Variants in PARN observed in about 807,000 individuals in gnomAD.
PARN encodes poly(A)-specific ribonuclease.
Under a neutral mutation model 102.8 loss-of-function variants are expected in PARN, and 71 were observed. That is an observed-to-expected ratio of 0.69 (90% CI 0.57 to 0.84). The LOEUF (loss-of-function observed/expected upper bound fraction) is 0.84, where lower values mean the gene tolerates loss of function less well. PARN is among the 40% of genes least tolerant of loss of function. The pLI is 0.00. For synonymous variants in PARN, 261 were observed against 252.9 expected (o/e 1.03, Z -0.30); for missense variants, 782 against 760.9 (o/e 1.03, Z -0.33).
At position 14,436,069 on chromosome 16, in the gene PARN, C is replaced by A. The variant is rs559142230; in HGVS notation, c.*648G>T. 2.0e-5 allele frequency: 3 copies of A among 152,432 alleles called. No homozygotes were observed. Among genetic ancestry groups the A allele is most frequent in the African/African-American group, 7.2e-5 (3 of 41,536 alleles). 9.4% of individuals were successfully genotyped at this position (152,432 alleles called of 1,614,324 possible). ...GTTAACCTTTTTACTCGTACATCCCCCATGAGAAACTCACGTCTTAGGAGA... is the reference window on the plus strand; with the variant it reads ...GTTAACCTTTTTACTCGTACATCCCACATGAGAAACTCACGTCTTAGGAGA... On this transcript the variant is annotated 3_prime_UTR_variant, in exon 24 of 24. Coordinates refer to ENST00000437198, the MANE Select transcript of PARN (RefSeq NM_002582.4).
chr16:14,552,480 CTTTTT>C (rs1293895523), intron 20 of PARN, among the ~76,000 whole-genome samples: 5 of 151,942 alleles, frequency 3.3e-5, no homozygotes, highest in South Asian at 2.1e-4. Flanking sequence ...ACAACTATTT[CTTTTT>C]TTTATTTTTG....
At chr16:14,521,244 T>C (rs904479067) in intron 21 of PARN, among the ~76,000 whole-genome samples, 1 of 152,206 alleles carries the variant, frequency 6.6e-6, no homozygotes, top group Non-Finnish European at 1.5e-5. Flanking sequence ...AATTTCCCCT[T>C]CTTTTCCCTT....
chr16:14,627,746 G>C (rs550449867), intron 3 of PARN, among the ~76,000 whole-genome samples: 10 of 152,176 alleles, frequency 6.6e-5, no homozygotes, highest in African/African-American at 2.4e-4. Context: ...CCAGCACTTT[G>C]GGAGGCTAAA....
Position 14,555,411 on chromosome 16 carries a change from T to C in PARN, c.1318+243A>G, listed in dbSNP as rs1351492156. Among the ~76,000 whole-genome samples, 5 of 152,244 alleles carry C rather than the reference T, an allele frequency of 3.3e-5. No individual in the cohort carries two copies. In the East Asian group the frequency reaches 9.6e-4, roughly 29 times the overall value. ...ATCAGAATTCTGAGTGAAAATGAAA[T>C]ATATAGAGAAGATACATGCTTCTAA... On this transcript the variant is annotated intron_variant, in intron 19 of 23. Transcript: ENST00000437198.
At chr16:14,540,116 C>T (rs1966784950) in intron 21 of PARN, among the ~76,000 whole-genome samples, 2 of 152,190 alleles carry the variant, frequency 1.3e-5, no homozygotes, top group South Asian at 4.1e-4. Flanking sequence ...GACAACTGAA[C>T]ATGCTTTCCA....
intron 21 of PARN, among the ~76,000 whole-genome samples, chr16:14,529,832 T>C (rs970169381): frequency 4.6e-5 from 7 of 152,128 alleles, no homozygotes; most frequent in African/African-American, 1.7e-4. Context: ...TAGACTGTGC[T>C]GGAGAAGGAT....
intron 21 of PARN, among the ~76,000 whole-genome samples, chr16:14,528,312 T>C (rs1966120002): frequency 6.6e-6 from 1 of 152,180 alleles, no homozygotes; most frequent in Admixed American, 6.5e-5. Flanking sequence ...CTGACTGCAC[T>C]GATAAGAGAT....
chr16:14,483,727 T>C lies in PARN; in HGVS notation c.1481-900A>G, dbSNP rs117663681. Among the ~76,000 whole-genome samples, 534 of 152,234 alleles carry C rather than the reference T, an allele frequency of 3.5e-3. 3 individuals are homozygous for C. The highest frequency in any genetic ancestry group is 5.7e-3 in the Non-Finnish European group (390 of 68,020). On this transcript the variant is annotated intron_variant, in intron 21 of 23. Coordinates refer to ENST00000437198, the MANE Select transcript of PARN (RefSeq NM_002582.4). The stretch of plus-strand genomic sequence containing the variant: ...GCGCCTCAGATGTGTAGTACAATTA[T>C]GGCATTATCTTCCTCAACTTGAAAA...
intron 13 of PARN, among the ~76,000 whole-genome samples, chr16:14,588,010 G>C (rs568853808): frequency 6.6e-6 from 1 of 152,320 alleles, no homozygotes; most frequent in African/African-American, 2.4e-5. Context: ...CCACCTAGAA[G>C]GGGGTTATGC....
intron 21 of PARN, among the ~76,000 whole-genome samples, chr16:14,509,280 CATAG>C (rs1470982051): frequency 6.6e-6 from 1 of 152,146 alleles, no homozygotes; most frequent in Non-Finnish European, 1.5e-5. Context: ...CCTACCCACC[CATAG>C]ATAATCTCTT....
At chr16:14,515,647 A>C (rs933570700) in intron 21 of PARN, among the ~76,000 whole-genome samples, 10 of 152,164 alleles carry the variant, frequency 6.6e-5, no homozygotes, top group Admixed American at 4.6e-4. Context: ...ATATGAAAGA[A>C]CATTAAGGCT....
intron 9 of PARN, among the ~76,000 whole-genome samples, chr16:14,607,028 G>A (rs1189342763): frequency 3.3e-5 from 5 of 151,886 alleles, no homozygotes; most frequent in Admixed American, 6.6e-5. Flanking sequence ...TGATCCTCCC[G>A]CCTGGGCCTC....
intron 21 of PARN, among the ~76,000 whole-genome samples, chr16:14,547,316 C>T (rs1412573228): frequency 6.6e-6 from 1 of 152,032 alleles, no homozygotes; most frequent in Non-Finnish European, 1.5e-5. Flanking sequence ...CCAGCAGCAG[C>T]AAATGAAAAG....
chr16:14,608,432 T>C (rs1183635773), intron 8 of PARN, 113 bp from the exon 9 acceptor site: 4 of 651,532 alleles, frequency 6.1e-6, no homozygotes, highest in East Asian at 2.9e-5. Context: ...TTAGAACTGA[T>C]AGGTAATTTG....
At chr16:14,478,687 T>C (rs767859202) in intron 22 of PARN, among the ~76,000 whole-genome samples, 25 of 152,268 alleles carry the variant, frequency 1.6e-4, no homozygotes, top group Non-Finnish European at 2.5e-4. Flanking sequence ...ATTGTGCACA[T>C]AGAAAACCTT....
chr16:14,472,575 T>C (rs11646874), intron 22 of PARN, among the ~76,000 whole-genome samples: 105,952 of 152,124 alleles, frequency 0.7, 37,796 homozygotes, highest in Non-Finnish European at 0.78. Context: ...GGTGGCGGGT[T>C]AGCAGGAAAA....
intron 18 of PARN, among the ~76,000 whole-genome samples, chr16:14,572,857 G>C (rs998912505): frequency 6.6e-6 from 1 of 151,588 alleles, no homozygotes; most frequent in African/African-American, 2.4e-5. Flanking sequence ...TACCTTTACT[G>C]AATCTCCTAG....
intron 22 of PARN, among the ~76,000 whole-genome samples, chr16:14,477,260 C>T (rs960718572): frequency 2.0e-5 from 3 of 149,414 alleles, no homozygotes; most frequent in Non-Finnish European, 3.0e-5. Context: ...GCCAACAGAG[C>T]GAAACCTGGT....
chr16:14,585,357 T>C (rs930627548), intron 14 of PARN, among the ~76,000 whole-genome samples: 13 of 141,846 alleles, frequency 9.2e-5, no homozygotes, highest in African/African-American at 3.1e-4. Flanking sequence ...GAAAACTCTA[T>C]TTCTCTGTTT....
Sources: allele counts gnomAD v4.1 joint callset (sites outside exome capture counted in the v4.1 genomes callset), GRCh38; gene constraint gnomAD v4.1.1; transcripts MANE v1.5; gene names NCBI Gene and HGNC (gene_info 2026-07-23, HGNC 2026-07-21).